Variants in MTF1 observed in about 807,000 individuals in gnomAD.
The protein encoded by MTF1 is metal regulatory transcription factor 1.
A neutral mutation model predicts 70.4 loss-of-function variants in MTF1; 22 were observed. That is an observed-to-expected ratio of 0.31 (90% CI 0.22 to 0.45). MTF1 has a LOEUF of 0.45. MTF1 is among the 20% of genes least tolerant of loss of function. The pLI is 1.00. For synonymous variants in MTF1, 333 were observed against 352.8 expected (o/e 0.94, Z 0.63); for missense variants, 649 against 922.0 (o/e 0.70, Z 3.83).
Position 37,822,133 on chromosome 1 carries a change from GT to G in MTF1, c.1754del (p.Asn585ThrfsTer22). The G allele has an allele frequency of 6.3e-7, 1 of 1,599,108 alleles. No individual in the cohort carries two copies. The highest frequency in any genetic ancestry group is 8.5e-7 in the Non-Finnish European group (1 of 1,170,636). On this transcript the variant is annotated frameshift_variant, in exon 9 of 11. Coordinates refer to ENST00000373036, the MANE Select transcript of MTF1 (RefSeq NM_005955.3). LOFTEE classifies it high-confidence loss of function. ...ILNGATSSPQNQEQIQQASKV... is the reference protein window; with the variant it reads ...ILNGATSSPQXQEQIQQASKV... ...ACATAATACTTACAATTTGTTCTTG[GT>G]TTTGTGGAGAACTGGTGGCACCATT...
intron 7 of MTF1, among the ~76,000 whole-genome samples, chr1:37,824,148 C>T (rs1290978546): frequency 6.6e-6 from 1 of 152,150 alleles, no homozygotes; most frequent in African/African-American, 2.4e-5. Flanking sequence ...TGCCCAGCCC[C>T]TCAAACACTT....
At chr1:37,857,183 T>A in intron 2 of MTF1, 68 bp downstream of exon 2, 1 of 1,515,410 alleles carries the variant, frequency 6.6e-7, no homozygotes, top group African/African-American at 1.4e-5. Context: ...CAGCTAAAAT[T>A]TGCACCAAGA....
intron 2 of MTF1, among the ~76,000 whole-genome samples, chr1:37,846,045 T>G (rs1204134665): frequency 1.3e-5 from 2 of 152,222 alleles, no homozygotes; most frequent in Non-Finnish European, 2.9e-5. Context: ...TAGGTTTTCA[T>G]GGTTACATAC....
intron 9 of MTF1, among the ~76,000 whole-genome samples, chr1:37,819,397 C>A (rs769389933): frequency 3.3e-5 from 5 of 151,982 alleles, no homozygotes; most frequent in African/African-American, 7.3e-5. Flanking sequence ...CCAAAGCGGG[C>A]GGATCACCTG....
In MTF1 at chr1:37,815,353, G is replaced by A. The variant is rs1165855403; in HGVS notation, c.2045C>T (p.Pro682Leu). ...QLPAQTFSSA[P>L]VPGSSSSTLP... is the part of the protein sequence containing the mutation. ...GGTAGAGGATGATGACCCGGGAACA[G>A]GGGCTGAAGAGAAAGTCTGCGCTGG... The change falls in exon 11 of 11, where the codon CCT becomes CTT. Residue 682 changes from proline (P) to leucine (L), a missense_variant. Around this residue, in one of 7 missense-constraint regions of MTF1, gnomAD observed 138 missense variants for 134.4 expected, o/e 1.03. Coordinates refer to ENST00000373036, the MANE Select transcript of MTF1 (RefSeq NM_005955.3). The surrounding 1 kb of genome is among the most constrained non-coding windows in gnomAD (Gnocchi z 4.5). The A allele has an allele frequency of 3.1e-6, 5 of 1,614,184 alleles. No homozygotes were observed. The highest frequency in any genetic ancestry group is 3.4e-6 in the Non-Finnish European group (4 of 1,180,044).
intron 9 of MTF1, among the ~76,000 whole-genome samples, chr1:37,819,244 CA>C (rs952731908): frequency 2.6e-5 from 4 of 152,156 alleles, no homozygotes; most frequent in Admixed American, 2.6e-4. Flanking sequence ...AGACAATAAC[CA>C]AAAACCTCTT....
At chr1:37,838,359 T>C (rs2148413131) in intron 4 of MTF1, among the ~76,000 whole-genome samples, 1 of 152,264 alleles carries the variant, frequency 6.6e-6, no homozygotes, top group Non-Finnish European at 1.5e-5. Flanking sequence ...ACCCACCACA[T>C]AACTGAGTTT....
At chr1:37,838,507 C>T in intron 4 of MTF1, 118 bp downstream of exon 4, 1 of 814,908 alleles carries the variant, frequency 1.2e-6, no homozygotes, top group Non-Finnish European at 1.9e-6. Context: ...GGTGAGCTAA[C>T]ACTGCTAAAT....
Position 37,840,278 on chromosome 1 carries a change from A to G in MTF1, c.409-120T>C, listed in dbSNP as rs1641235950. The stretch of plus-strand genomic sequence containing the variant: ...CAATACAACTGGGTTTTCATCATAA[A>G]CACAGAAAACAGCCTCTAGCAGCAA... On this transcript the variant is annotated intron_variant, in intron 2 of 10. Coordinates refer to ENST00000373036, the MANE Select transcript of MTF1 (RefSeq NM_005955.3). The surrounding 1 kb of genome is among the most constrained non-coding windows in gnomAD (Gnocchi z 4.5). The G allele has an allele frequency of 1.2e-6, 1 of 839,124 alleles. No homozygotes were observed. The highest frequency in any genetic ancestry group is 1.7e-5 in the African/African-American group (1 of 59,010). 52.0% of individuals were successfully genotyped at this position (839,124 alleles called of 1,614,324 possible).
At chr1:37,836,295 C>T (rs886584563) in intron 4 of MTF1, among the ~76,000 whole-genome samples, 3 of 152,054 alleles carry the variant, frequency 2.0e-5, no homozygotes, top group African/African-American at 4.8e-5. Context: ...AGAGCCCTGA[C>T]AACAAAAGTC....
chr1:37,835,728 A>G lies in MTF1; in HGVS notation c.796T>C (p.Cys266Arg), dbSNP rs79661501. 6.2e-7 allele frequency: 1 copy of G among 1,614,120 alleles called. No homozygotes were observed. Among genetic ancestry groups the G allele is most frequent in the South Asian group, 1.1e-5 (1 of 91,078 alleles). The change falls in exon 5 of 11, where the codon TGT (cysteine) becomes CGT (arginine). Residue 266 changes from cysteine (C) to arginine (R), a missense_variant. Transcript: ENST00000373036. Reference protein sequence around the residue: ...EKPFRCDHDGCGKAFAASHHL... With the variant: ...EKPFRCDHDGRGKAFAASHHL... Reference sequence around the variant, plus strand: ...TGGCTTGCTGCAAATGCTTTTCCACAGCCATCGTGATCGCACCTAAATTTG... The same window carrying G: ...TGGCTTGCTGCAAATGCTTTTCCACGGCCATCGTGATCGCACCTAAATTTG...
intron 4 of MTF1, among the ~76,000 whole-genome samples, chr1:37,837,314 C>T (rs759819452): frequency 3.9e-5 from 6 of 152,104 alleles, no homozygotes; most frequent in Non-Finnish European, 8.8e-5. Flanking sequence ...ACCTCAGTCT[C>T]CCAAAGCACT....
rs1641148280 is a variant in MTF1 at position 37,835,185 on chromosome 1, C to A, written c.884G>T (p.Gly295Val). ...GERPFFCPSN[G>V]CEKTFSTQYS... Reference sequence around the variant, plus strand: ...TTGAGTGCTGAATGTTTTCTCACAGCCATTACTGGGGCAGAAGAAGGGTCT... The same window carrying A: ...TTGAGTGCTGAATGTTTTCTCACAGACATTACTGGGGCAGAAGAAGGGTCT... Residue 295 changes from glycine to valine, a missense_variant, in exon 6 of 11, where the codon GGC becomes GTC. This residue lies in a region of MTF1 where 118 missense variants were observed against 287.2 expected (regional missense o/e 0.41). Coordinates refer to ENST00000373036, the MANE Select transcript of MTF1 (RefSeq NM_005955.3). The A allele has an allele frequency of 6.2e-7, 1 of 1,613,560 alleles. No homozygotes were observed. Among genetic ancestry groups the A allele is most frequent in the African/African-American group, 1.3e-5 (1 of 74,904 alleles).
intron 2 of MTF1, among the ~76,000 whole-genome samples, chr1:37,852,791 C>T (rs930209694): frequency 2.0e-5 from 3 of 152,030 alleles, no homozygotes; most frequent in Non-Finnish European, 4.4e-5. Context: ...CCACCACAAC[C>T]GGCTAATTTT....
chr1:37,843,280 G>T (rs1254002419), intron 2 of MTF1, among the ~76,000 whole-genome samples: 2 of 151,570 alleles, frequency 1.3e-5, no homozygotes, highest in East Asian at 3.9e-4. Context: ...GGACTACAGG[G>T]TTAAGCCACC....
At position 37,840,090 on chromosome 1, in the gene MTF1, G is replaced by T. The variant is rs766766842; in HGVS notation, c.477C>A (p.Thr159=). Residue 159 remains threonine (T), a synonymous_variant, in exon 3 of 11, where the codon ACC becomes ACA. Transcript: ENST00000373036. The surrounding 1 kb of genome is among the most constrained non-coding windows in gnomAD (Gnocchi z 4.5). The part of the protein sequence containing the change: ...RTYSTAGNLR[T]HQKTHRGEYT... ...ACTCTCCTCGGTGAGTCTTCTGGTG[G>T]GTTCGCAGGTTGCCTGCTGTGCTGT... 2 of 1,614,214 alleles carry T rather than the reference G, an allele frequency of 1.2e-6. No homozygotes were observed. The highest frequency in any genetic ancestry group is 1.7e-6 in the Non-Finnish European group (2 of 1,180,056).
At chr1:37,818,099 C>T (rs1557585335) in intron 9 of MTF1, among the ~76,000 whole-genome samples, 1 of 152,198 alleles carries the variant, frequency 6.6e-6, no homozygotes. Context: ...GTTTCCCCAC[C>T]TGTAAAAACA....
chr1:37,847,665 C>CA (rs1641353653), intron 2 of MTF1, among the ~76,000 whole-genome samples: 1 of 152,160 alleles, frequency 6.6e-6, no homozygotes, highest in African/African-American at 2.4e-5. Flanking sequence ...AGAACGCCTG[C>CA]AGGGGACTAC....
chr1:37,823,887 C>T (rs900010896), intron 7 of MTF1, 75 bp from the exon 8 acceptor site: 10 of 1,053,752 alleles, frequency 9.5e-6, no homozygotes, highest in Admixed American at 3.9e-5. Flanking sequence ...ACATTCAAAG[C>T]AGCAGAACTA....
Sources: gnomAD v4.1 joint callset for allele counts (sites outside exome capture counted in the v4.1 genomes callset) on GRCh38, gnomAD v4.1.1 for gene constraint, gnomAD v4.1.1 regional missense constraint, Gnocchi (gnomAD v3.1) non-coding constraint, MANE v1.5 for transcripts, NCBI Gene and HGNC (gene_info 2026-07-23, HGNC 2026-07-21) for gene names.